TAFA5: variants seen among roughly 807,000 people sequenced by gnomAD.
The protein encoded by TAFA5 is TAFA chemokine like family member 5, also known as chemokine-like protein TAFA-5.
Under a neutral mutation model 15.3 loss-of-function variants are expected in TAFA5, and 6 were observed. The ratio of observed to expected loss-of-function variants is 0.39; its 90% CI spans 0.21 to 0.77. The LOEUF (loss-of-function observed/expected upper bound fraction) is 0.77. TAFA5 is among the 30% of genes least tolerant of loss of function. The pLI, the probability that TAFA5 is intolerant of heterozygous loss-of-function variation, is 0.41. For synonymous variants in TAFA5, 103 were observed against 80.7 expected (o/e 1.28, Z -1.48); for missense variants, 161 against 193.1 (o/e 0.83, Z 0.98).
chr22:48,675,918 C>T lies in TAFA5; in HGVS notation c.262+29172C>T, dbSNP rs530691738. ...GTGCATCACAGCGCACCCTGACGCCCAGGCACAGGTGCCTCATTTGCCCTC... is the reference window on the plus strand; with the variant it reads ...GTGCATCACAGCGCACCCTGACGCCTAGGCACAGGTGCCTCATTTGCCCTC... On this transcript the variant is annotated intron_variant, in intron 2 of 3. Transcript: ENST00000402357. 5.3e-5 allele frequency among the ~76,000 whole-genome samples: 8 copies of T among 152,374 alleles called. No homozygotes were observed. The East Asian group carries it at 5.8e-4, about 11-fold the overall frequency.
chr22:48,546,255 C>T (rs1922663849), intron 1 of TAFA5, among the ~76,000 whole-genome samples: 1 of 152,238 alleles, frequency 6.6e-6, no homozygotes, highest in East Asian at 1.9e-4. Flanking sequence ...AATGCATTCC[C>T]AGCAGCTGAG....
intron 1 of TAFA5, among the ~76,000 whole-genome samples, chr22:48,492,728 G>C (rs1275465540): frequency 2.0e-5 from 3 of 151,998 alleles, no homozygotes; most frequent in Admixed American, 2.0e-4. Context: ...CGACCATCAC[G>C]GTGACAGCAG....
intron 1 of TAFA5, among the ~76,000 whole-genome samples, chr22:48,642,803 CTG>C (rs796649630): frequency 7.2e-5 from 11 of 151,980 alleles, no homozygotes; most frequent in Non-Finnish European, 1.0e-4. Flanking sequence ...TGTGTTTGGT[CTG>C]TGTGTGCACG....
intron 3 of TAFA5, among the ~76,000 whole-genome samples, chr22:48,741,356 AC>A (rs1296063805): frequency 2.6e-5 from 4 of 152,114 alleles, no homozygotes; most frequent in Non-Finnish European, 4.4e-5. Flanking sequence ...CTTGGGAGTC[AC>A]CCGGCATGTT....
chr22:48,570,622 A>G (rs1473392057), intron 1 of TAFA5, among the ~76,000 whole-genome samples: 1 of 152,200 alleles, frequency 6.6e-6, no homozygotes. Context: ...GTCACTTTCC[A>G]TTTTGAACAG....
At chr22:48,634,120 G>GCTCACTCACTCACTCA (rs71194366) in intron 1 of TAFA5, among the ~76,000 whole-genome samples, 22 of 150,856 alleles carry the variant, frequency 1.5e-4, no homozygotes, top group African/African-American at 3.4e-4. Flanking sequence ...TCACTCACTC[G>GCTCACTCACTCACTCA]CTCACTCACT....
chr22:48,720,393 A>AC (rs1929534481), intron 3 of TAFA5, among the ~76,000 whole-genome samples: 1 of 152,044 alleles, frequency 6.6e-6, no homozygotes, highest in South Asian at 2.1e-4. Context: ...TCTCAGGGAC[A>AC]CCCCTCGAGA....
Position 48,492,543 on chromosome 22 carries a change from A to G in TAFA5, c.112+2839A>G, listed in dbSNP as rs142887132. On this transcript the variant is annotated intron_variant, in intron 1 of 3. Coordinates refer to ENST00000402357, the MANE Select transcript of TAFA5 (RefSeq NM_001082967.3). ...TTCTCGTGTGCTGGGATCCATATAG[A>G]AGGAGATGGGCTCCACCGTCTGGCC... Among the ~76,000 whole-genome samples, 414 of 152,214 alleles carry G rather than the reference A, an allele frequency of 2.7e-3. 7 individuals are homozygous for G. The highest frequency in any genetic ancestry group is 9.6e-3 in the African/African-American group (400 of 41,532).
At chr22:48,513,031 T>A (rs949592935) in intron 1 of TAFA5, among the ~76,000 whole-genome samples, 1 of 149,738 alleles carries the variant, frequency 6.7e-6, no homozygotes. Flanking sequence ...TGGTTTGTGG[T>A]GGGGGGAGTG....
chr22:48,582,773 C>CCA (rs1317174133), intron 1 of TAFA5, among the ~76,000 whole-genome samples: 1 of 148,322 alleles, frequency 6.7e-6, no homozygotes, highest in African/African-American at 2.5e-5. Context: ...ACAAAATACA[C>CCA]CACACACACC....
At chr22:48,644,345 C>A (rs751339939) in intron 1 of TAFA5, among the ~76,000 whole-genome samples, 113 of 152,202 alleles carry the variant, frequency 7.4e-4, no homozygotes, top group Admixed American at 9.2e-4. Flanking sequence ...TATGCCACCC[C>A]CTCCCCGCAG....
chr22:48,560,852 C>T lies in TAFA5; in HGVS notation c.112+71148C>T, dbSNP rs190343019. On this transcript the variant is annotated intron_variant, in intron 1 of 3. Transcript: ENST00000402357. This position sits in a 1 kb window ranked among gnomAD's most constrained non-coding sequence, Gnocchi z 4.2. Reference sequence around the variant, plus strand: ...CTTGAACTCCTGACCTCAGGTGATCCACCCACCTCGGCCTCCCAAAGTTCT... The same window carrying T: ...CTTGAACTCCTGACCTCAGGTGATCTACCCACCTCGGCCTCCCAAAGTTCT... Among the ~76,000 whole-genome samples the T allele has an allele frequency of 1.2e-3, 189 of 152,176 alleles. No homozygotes were observed. Among genetic ancestry groups the T allele is most frequent in the Middle Eastern group, 6.8e-3 (2 of 294 alleles).
chr22:48,692,036 C>A (rs1203022677), intron 2 of TAFA5, among the ~76,000 whole-genome samples: 2 of 151,792 alleles, frequency 1.3e-5, no homozygotes, highest in Non-Finnish European at 2.9e-5. Context: ...CCTTCCTGTC[C>A]CCAATCAGAG....
chr22:48,689,425 C>T (rs1051807433), intron 2 of TAFA5, among the ~76,000 whole-genome samples: 11 of 152,148 alleles, frequency 7.2e-5, no homozygotes, highest in African/African-American at 2.2e-4. Context: ...ACTTGGGACA[C>T]GTTCACCCCA....
chr22:48,541,104 C>T (rs1344104167), intron 1 of TAFA5, among the ~76,000 whole-genome samples: 1 of 152,100 alleles, frequency 6.6e-6, no homozygotes, highest in Admixed American at 6.5e-5. Flanking sequence ...CGCCACTGAA[C>T]GGCAGCACTT....
chr22:48,576,432 G>A, intron 1 of TAFA5: 1 of 1,335,272 alleles, frequency 7.5e-7, no homozygotes, highest in South Asian at 2.0e-5. Context: ...GCGGCGCCTG[G>A]ACCTTCGCTG....
intron 1 of TAFA5, among the ~76,000 whole-genome samples, chr22:48,493,263 AAGAC>A (rs1928217274): frequency 1.3e-5 from 2 of 152,214 alleles, no homozygotes; most frequent in Non-Finnish European, 2.9e-5. Context: ...GAGAGTGAGG[AAGAC>A]AGACAGGTTC....
chr22:48,722,227 C>T (rs1929589373), intron 3 of TAFA5, among the ~76,000 whole-genome samples: 1 of 152,152 alleles, frequency 6.6e-6, no homozygotes, highest in African/African-American at 2.4e-5. Flanking sequence ...TTAATGACCG[C>T]CATTCTAATT....
At chr22:48,546,422 A>G (rs1922670706) in intron 1 of TAFA5, 4 of 461,926 alleles carry the variant, frequency 8.7e-6, no homozygotes, top group Non-Finnish European at 1.4e-5. Context: ...TCCCCGAGTG[A>G]CCATCGGACA....
Sources: gnomAD v4.1 joint callset for allele counts (sites outside exome capture counted in the v4.1 genomes callset) on GRCh38, gnomAD v4.1.1 for gene constraint, Gnocchi (gnomAD v3.1) non-coding constraint, MANE v1.5 for transcripts, NCBI Gene and HGNC (gene_info 2026-07-23, HGNC 2026-07-21) for gene names.